The following EIF4G3 variants were observed in gnomAD, a reference collection of about 807,000 sequenced individuals.
The protein encoded by EIF4G3 is eIF-4-gamma 3.
Under a neutral mutation model 186.4 loss-of-function variants are expected in EIF4G3, and 34 were observed. The observed-to-expected ratio is 0.18, with a 90% CI of 0.14 to 0.24. The LOEUF (loss-of-function observed/expected upper bound fraction) is 0.24. EIF4G3 is among the 10% of genes least tolerant of loss of function. The pLI is 1.00. For synonymous variants in EIF4G3, 673 were observed against 679.5 expected, an observed-to-expected ratio of 0.99 and a Z score of 0.15; for missense variants, 1,536 against 1,948.5, an observed-to-expected ratio of 0.79 and a Z score of 3.99.
intron 13 of EIF4G3, among the ~76,000 whole-genome samples, chr1:20,945,328 G>A (rs2095890917): frequency 6.6e-6 from 1 of 152,028 alleles, no homozygotes; most frequent in African/African-American, 2.4e-5. Flanking sequence ...GAGAAAAAAG[G>A]AAATCAACTA....
intron 2 of EIF4G3, among the ~76,000 whole-genome samples, chr1:21,122,552 T>C (rs118165928): frequency 6.6e-6 from 1 of 152,202 alleles, no homozygotes; most frequent in Admixed American, 6.5e-5. Context: ...TAAATAAACA[T>C]ATCCTTATTT....
At position 20,860,422 on chromosome 1, in the gene EIF4G3, C is replaced by T. The variant is rs1361280326; in HGVS notation, c.3207G>A (p.Lys1069=). 3 of 1,614,090 alleles carry T rather than the reference C, an allele frequency of 1.9e-6. No individual in the cohort carries two copies. Among genetic ancestry groups the T allele is most frequent in the South Asian group, 1.1e-5 (1 of 91,076 alleles). The change falls in exon 24 of 37, where the codon AAG becomes AAA. Residue 1069 remains lysine, a synonymous_variant. Transcript: ENST00000602326. ...TCTCTTTGGTCATGAGTTGCTGGAC[C>T]TTCCTTTGCTCTTCTTGTTCTTCTA... ...AKIEEQEEQR[K]VQQLMTKEKR... is the part of the protein sequence containing the mutation.
At chr1:20,811,885 A>T in intron 35 of EIF4G3, among the ~76,000 whole-genome samples, 1 of 152,234 alleles carries the variant, frequency 6.6e-6, no homozygotes, top group South Asian at 2.1e-4. Flanking sequence ...TTAGAAAAGG[A>T]AATTAAAGTG....
At chr1:20,987,261 A>G (rs1047594648) in intron 7 of EIF4G3, among the ~76,000 whole-genome samples, 19 of 152,256 alleles carry the variant, frequency 1.2e-4, no homozygotes, top group African/African-American at 3.6e-4. Flanking sequence ...AACAAATTAT[A>G]TAACAGAAAT....
chr1:20,848,705 G>T (rs1352255555), intron 29 of EIF4G3, among the ~76,000 whole-genome samples: 1 of 152,112 alleles, frequency 6.6e-6, no homozygotes, highest in Non-Finnish European at 1.5e-5. Context: ...AAAAAGTAAT[G>T]CTGGCCATAT....
At chr1:20,837,565 C>G (rs2067132865) in intron 30 of EIF4G3, among the ~76,000 whole-genome samples, 1 of 152,162 alleles carries the variant, frequency 6.6e-6, no homozygotes, top group South Asian at 2.1e-4. Flanking sequence ...GCAGAAACTG[C>G]TTCCCCAACT....
At chr1:21,049,987 T>C (rs938121923) in intron 4 of EIF4G3, among the ~76,000 whole-genome samples, 1 of 152,230 alleles carries the variant, frequency 6.6e-6, no homozygotes, top group Non-Finnish European at 1.5e-5. Context: ...TTTAGCATTA[T>C]TTTTAGTAAT....
intron 22 of EIF4G3, among the ~76,000 whole-genome samples, chr1:20,863,445 C>CT (rs2076849763): frequency 3.3e-5 from 4 of 119,572 alleles, no homozygotes; most frequent in African/African-American, 9.3e-5. Flanking sequence ...TTTTTTTTTT[C>CT]CTTTTTTTTT....
intron 21 of EIF4G3, 80 bp from the exon 22 acceptor site, chr1:20,864,792 A>G: frequency 5.9e-6 from 7 of 1,180,944 alleles, no homozygotes; most frequent in Non-Finnish European, 8.6e-6. Flanking sequence ...ATGGGGTCAG[A>G]ATCCCCGTGA....
chr1:20,909,948 ATTT>A (rs2092925799), intron 14 of EIF4G3, among the ~76,000 whole-genome samples: 2 of 151,916 alleles, frequency 1.3e-5, no homozygotes, highest in African/African-American at 4.8e-5. Context: ...TGCCCGGCTA[ATTT>A]TTTTAATGTT....
chr1:21,038,880 A>AT (rs1202929767), intron 4 of EIF4G3, among the ~76,000 whole-genome samples: 15 of 151,596 alleles, frequency 9.9e-5, no homozygotes, highest in South Asian at 2.1e-4. Flanking sequence ...TATGAAACAT[A>AT]TTTTTTTTTA....
In EIF4G3 at chr1:21,119,856, C is replaced by T. The variant is rs956558866; in HGVS notation, c.-271-30643G>A. Reference sequence around the variant, plus strand: ...CTATCAAGTTTCTTAAGCATCTTTCCAGAAATTTTCTACACATACACATTT... The same window carrying T: ...CTATCAAGTTTCTTAAGCATCTTTCTAGAAATTTTCTACACATACACATTT... On this transcript the variant is annotated intron_variant, in intron 2 of 36. Coordinates refer to ENST00000602326, the MANE Select transcript of EIF4G3 (RefSeq NM_001391906.1). Among the ~76,000 whole-genome samples the T allele has an allele frequency of 6.6e-5, 10 of 152,082 alleles. No individual in the cohort carries two copies. The South Asian group carries it at 1.9e-3, about 28-fold the overall frequency.
intron 2 of EIF4G3, among the ~76,000 whole-genome samples, chr1:21,111,917 C>T (rs1011230628): frequency 1.3e-5 from 2 of 152,142 alleles, no homozygotes; most frequent in African/African-American, 4.8e-5. Context: ...AGAGAGAAAA[C>T]TGCTTTTCTT....
chr1:21,157,990 C>T (rs1470883761), intron 2 of EIF4G3, among the ~76,000 whole-genome samples: 1 of 152,000 alleles, frequency 6.6e-6, no homozygotes, highest in Non-Finnish European at 1.5e-5. Context: ...GAATAATGAG[C>T]AGTAAGTTTC....
intron 2 of EIF4G3, among the ~76,000 whole-genome samples, chr1:21,143,945 T>C (rs760441637): frequency 6.6e-6 from 1 of 152,110 alleles, no homozygotes. Context: ...AACTTATTTA[T>C]AAAAGAAATG....
At chr1:21,133,945 T>C (rs944848086) in intron 2 of EIF4G3, among the ~76,000 whole-genome samples, 19 of 152,308 alleles carry the variant, frequency 1.2e-4, no homozygotes, top group African/African-American at 2.9e-4. Flanking sequence ...TTCTCAGTCG[T>C]TGAACTGTAC....
intron 14 of EIF4G3, among the ~76,000 whole-genome samples, chr1:20,919,482 G>T (rs2094285312): frequency 6.6e-6 from 1 of 152,094 alleles, no homozygotes; most frequent in Non-Finnish European, 1.5e-5. Flanking sequence ...TGGGATTACA[G>T]GTGTGAGCCA....
At chr1:21,043,869 G>T (rs7547896) in intron 4 of EIF4G3, among the ~76,000 whole-genome samples, 6 of 140,426 alleles carry the variant, frequency 4.3e-5, no homozygotes, top group Admixed American at 2.2e-4. Flanking sequence ...AAACCTTGGC[G>T]CAAAAAAAAA....
intron 2 of EIF4G3, among the ~76,000 whole-genome samples, chr1:21,136,912 G>T (rs540640420): frequency 1.3e-5 from 2 of 152,288 alleles, no homozygotes; most frequent in South Asian, 2.1e-4. Flanking sequence ...TGCTGTTACT[G>T]TAAGTGTAAA....
Sources: allele counts gnomAD v4.1 joint callset (sites outside exome capture counted in the v4.1 genomes callset), GRCh38; gene constraint gnomAD v4.1.1; transcripts MANE v1.5; gene names NCBI Gene and HGNC (gene_info 2026-07-23, HGNC 2026-07-21).